The following ZNF732 variants were observed in gnomAD, a reference collection of about 807,000 sequenced individuals.
ZNF732 encodes the protein zinc finger protein 732, also known as zinc finger protein LOC654254.
A neutral mutation model predicts 11.5 loss-of-function variants in ZNF732; 12 were observed. The observed-to-expected ratio is 1.05, with a 90% CI of 0.67 to 1.70. The LOEUF (loss-of-function observed/expected upper bound fraction) is 1.70. ZNF732 is among the 40% of genes most tolerant of loss of function. The probability of loss-of-function intolerance (pLI) is 0.00; values close to 1 mark genes in which losing one functional copy is unlikely to be tolerated. For missense variants in ZNF732, 702 were observed against 676.9 expected, an observed-to-expected ratio of 1.04 and a Z score of -0.41; for synonymous variants, 231 against 236.5, an observed-to-expected ratio of 0.98 and a Z score of 0.21.
intron 3 of ZNF732, among the ~76,000 whole-genome samples, chr4:278,015 T>C (rs1719536998): frequency 6.6e-6 from 1 of 152,160 alleles, no homozygotes; most frequent in South Asian, 2.1e-4. Context: ...ATGTGGTATA[T>C]ATACACAACA....
intron 1 of ZNF732, 119 bp from the exon 2 acceptor site, chr4:296,274 A>G (rs1330686889): frequency 1.5e-6 from 2 of 1,348,842 alleles, no homozygotes; most frequent in East Asian, 2.4e-5. Context: ...AACTTTCAAC[A>G]CAGTAATGTT....
At chr4:285,924 G>A (rs1390028091) in intron 3 of ZNF732, among the ~76,000 whole-genome samples, 2 of 152,134 alleles carry the variant, frequency 1.3e-5, no homozygotes, top group Non-Finnish European at 2.9e-5. Context: ...CTATTTTTTG[G>A]TAGAGATGGG....
intron 3 of ZNF732, among the ~76,000 whole-genome samples, chr4:293,023 G>A (rs371238459): frequency 1.6e-4 from 20 of 127,312 alleles, no homozygotes; most frequent in South Asian, 2.6e-4. Flanking sequence ...AGCCGAGATC[G>A]CGCCACTGCA....
chr4:271,290 T>G lies in ZNF732; in HGVS notation c.1567A>C (p.Ile523Leu), dbSNP rs1719350014. The change falls in exon 4 of 4, where the codon ATT becomes CTT. Residue 523 changes from isoleucine (I) to leucine (L), a missense_variant. By Grantham distance (5) the Ile-to-Leu change is conservative (BLOSUM62 2). Transcript: ENST00000419098. Reference protein sequence around the residue: ...WSTYLSKHKKIHTGEKPYRCE... With the variant: ...WSTYLSKHKKLHTGEKPYRCE... ...CTATAAGGTTTCTCTCCAGTATGAATTTTCTTATGTTTACTCAGGTATGTG... is the reference window on the plus strand; with the variant it reads ...CTATAAGGTTTCTCTCCAGTATGAAGTTTCTTATGTTTACTCAGGTATGTG... The G allele has an allele frequency of 1.5e-5, 24 of 1,593,178 alleles. No individual in the cohort carries two copies. The highest frequency in any genetic ancestry group is 1.6e-5 in the Non-Finnish European group (19 of 1,168,802).
intron 3 of ZNF732, among the ~76,000 whole-genome samples, chr4:277,334 TAAC>T (rs1444564338): frequency 4.6e-5 from 7 of 151,010 alleles, no homozygotes; most frequent in Non-Finnish European, 5.9e-5. Context: ...AGAAAACAAT[TAAC>T]AAAGTGAAGA....
Position 271,141 on chromosome 4 carries a change from G to T in ZNF732, c.1716C>A (p.Tyr572Ter). 1 of 1,540,982 alleles carries T rather than the reference G, an allele frequency of 6.5e-7. No individual in the cohort carries two copies. Among genetic ancestry groups the T allele is most frequent in the Non-Finnish European group, 8.7e-7 (1 of 1,143,560 alleles). The change falls in exon 4 of 4, where the codon TAC becomes TAA. Residue 572 changes from tyrosine (Y) to a stop codon, truncating the protein, a stop_gained. Transcript: ENST00000419098. LOFTEE classifies it high-confidence loss of function. ...GCGKAFKWSS[Y>*]LNQHNKIYTG... Reference sequence around the variant, plus strand: ...TATAAATTTTATTATGTTGATTAAGGTATGAGGACCACTTAAAGGCTTTGC... The same window carrying T: ...TATAAATTTTATTATGTTGATTAAGTTATGAGGACCACTTAAAGGCTTTGC...
At chr4:276,528 C>G (rs1234890143) in intron 3 of ZNF732, among the ~76,000 whole-genome samples, 1 of 151,756 alleles carries the variant, frequency 6.6e-6, no homozygotes, top group African/African-American at 2.4e-5. Context: ...TTTCTTAAAT[C>G]ACAAAGACAT....
At chr4:290,925 A>G (rs868952051) in intron 3 of ZNF732, among the ~76,000 whole-genome samples, 6 of 152,302 alleles carry the variant, frequency 3.9e-5, no homozygotes, top group Middle Eastern at 6.8e-3. Context: ...TAGATTATAC[A>G]AACTGTAAAT....
At position 271,352 on chromosome 4, in the gene ZNF732, T is replaced by G. The variant is rs781868973; in HGVS notation, c.1505A>C (p.Tyr502Ser). ...GGCTTTGCCACACTCTTCACATTCG[T>G]AAGGTTTCTCTCCAGTATGAATTGT... The part of the protein sequence containing the change: ...HKTIHTGEKP[Y>S]ECEECGKAFG... The change falls in exon 4 of 4, where the codon TAC (tyrosine) becomes TCC (serine). Residue 502 changes from tyrosine (Y) to serine (S), a missense_variant. Coordinates refer to ENST00000419098, the MANE Select transcript of ZNF732 (RefSeq NM_001137608.3). The G allele has an allele frequency of 6.2e-7, 1 of 1,603,146 alleles. No homozygotes were observed. Among genetic ancestry groups the G allele is most frequent in the Non-Finnish European group, 8.5e-7 (1 of 1,174,342 alleles).
chr4:302,257 TATAAC>T (rs1720132763), intron 1 of ZNF732, among the ~76,000 whole-genome samples: 1 of 151,938 alleles, frequency 6.6e-6, no homozygotes, highest in South Asian at 2.1e-4. Flanking sequence ...TGAGGAAAAA[TATAAC>T]TAAAAGCAAA....
chr4:270,850 T>C lies in ZNF732; in HGVS notation c.*249A>G. 1.5e-6 allele frequency: 1 copy of C among 689,574 alleles called. No homozygotes were observed. Among genetic ancestry groups the C allele is most frequent in the Non-Finnish European group, 2.7e-6 (1 of 370,040 alleles). 42.7% of individuals were successfully genotyped at this position (689,574 alleles called of 1,614,324 possible). A position where few individuals can be genotyped will look rare whatever the true frequency, so the allele number is the denominator to read the frequency against. ...AGCTTTGCCACATTCTTCACATTTG[T>C]AGGGTTGCTCTCCAGCATCAATTTT... On this transcript the variant is annotated 3_prime_UTR_variant, in exon 4 of 4. Coordinates refer to ENST00000419098, the MANE Select transcript of ZNF732 (RefSeq NM_001137608.3).
At position 300,470 on chromosome 4, in the gene ZNF732, A is replaced by G. The variant is rs200452759; in HGVS notation, c.4-4315T>C. 8.6e-3 allele frequency among the ~76,000 whole-genome samples: 1,285 copies of G among 149,460 alleles called. 9 individuals carry two copies. The highest frequency in any genetic ancestry group is 0.015 in the African/African-American group (606 of 40,520). On this transcript the variant is annotated intron_variant, in intron 1 of 3. Coordinates refer to ENST00000419098, the MANE Select transcript of ZNF732 (RefSeq NM_001137608.3). Reference sequence around the variant, plus strand: ...ACTCTGTCTCAAAAAAAAAAAAAAAAAAAAGAAAAGAAAAGAAAAAATTAT... The same window carrying G: ...ACTCTGTCTCAAAAAAAAAAAAAAAGAAAAGAAAAGAAAAGAAAAAATTAT...
intron 1 of ZNF732, among the ~76,000 whole-genome samples, chr4:302,618 G>A (rs1292272192): frequency 2.0e-5 from 3 of 152,168 alleles, no homozygotes; most frequent in Admixed American, 2.0e-4. Context: ...TGTGGGATAG[G>A]ATGCATGTTC....
rs1553838027 is a variant in ZNF732, at chr4:272,578, A to T, written c.279T>A (p.Asp93Glu). The T allele has an allele frequency of 6.3e-7, 1 of 1,587,484 alleles. No individual in the cohort carries two copies. The highest frequency in any genetic ancestry group is 8.6e-7 in the Non-Finnish European group (1 of 1,168,894). ...QDFLPVQGIE[D>E]SFHKLILRRY... ...TTCTTAATATAAGTTTGTGGAACGAATCTTCTATCCCCTGCACTGGCAAAA... is the reference window on the plus strand; with the variant it reads ...TTCTTAATATAAGTTTGTGGAACGATTCTTCTATCCCCTGCACTGGCAAAA... Residue 93 changes from aspartate to glutamate, a missense_variant, in exon 4 of 4, where the codon GAT becomes GAA. Physicochemically the swap from Asp to Glu is conservative, Grantham distance 45. Transcript: ENST00000419098.
Position 296,927 on chromosome 4 carries a change from T to C in ZNF732, c.4-772A>G, listed in dbSNP as rs369169831. ...GCATTCTCTGGAGGCCGTTTAAAGT[T>C]TACAGAGGCTGGAGATGGTGTCAAT... On this transcript the variant is annotated intron_variant, in intron 1 of 3. Coordinates refer to ENST00000419098, the MANE Select transcript of ZNF732 (RefSeq NM_001137608.3). Among the ~76,000 whole-genome samples, 20 of 152,238 alleles carry C rather than the reference T, an allele frequency of 1.3e-4. 1 individual carries two copies. The South Asian group carries it at 4.1e-3, about 32-fold the overall frequency.
intron 3 of ZNF732, among the ~76,000 whole-genome samples, chr4:275,911 G>A (rs887942624): frequency 1.3e-5 from 2 of 151,596 alleles, no homozygotes; most frequent in East Asian, 3.8e-4. Context: ...AACAGAAAAA[G>A]TAGGTAGTTA....
chr4:271,555 A>T lies in ZNF732; in HGVS notation c.1302T>A (p.Asn434Lys), dbSNP rs552986944. The change falls in exon 4 of 4, where the codon AAT becomes AAA. Residue 434 changes from asparagine to lysine, a missense_variant. Coordinates refer to ENST00000419098, the MANE Select transcript of ZNF732 (RefSeq NM_001137608.3). ...CTCCAGTATGAATTATCTTATGTTT[A>T]TTCAGGTCTGTGGACCATCCAAAGG... ...GKAFGWSTDL[N>K]KHKIIHTGEK... The T allele has an allele frequency of 6.2e-7, 1 of 1,611,852 alleles. No homozygotes were observed. The highest frequency in any genetic ancestry group is 1.3e-5 in the African/African-American group (1 of 74,900).
chr4:305,415 C>A lies in ZNF732; in HGVS notation c.-105G>T, dbSNP rs573755305. 25 of 1,526,420 alleles carry A rather than the reference C, an allele frequency of 1.6e-5. No individual in the cohort carries two copies. The highest frequency in any genetic ancestry group is 2.2e-5 in the Non-Finnish European group (25 of 1,117,666). The allele number at this position is 1,526,420 out of a possible 1,614,324, so 94.6% of individuals were successfully genotyped here. A position where few individuals can be genotyped will look rare whatever the true frequency, so the allele number is the denominator to read the frequency against. On this transcript the variant is annotated 5_prime_UTR_variant, in exon 1 of 4. Coordinates refer to ENST00000419098, the MANE Select transcript of ZNF732 (RefSeq NM_001137608.3). The stretch of plus-strand genomic sequence containing the variant: ...GCTGTGACCGAATCACCGACGCCTC[C>A]CTGAGGGGTGAAAGCACGGCCGTGG...
intron 3 of ZNF732, among the ~76,000 whole-genome samples, chr4:294,199 GC>G (rs1295108025): frequency 6.6e-6 from 1 of 152,092 alleles, no homozygotes; most frequent in Non-Finnish European, 1.5e-5. Context: ...ATGGGATTTT[GC>G]CGTGTTGGCC....
Sources: allele counts gnomAD v4.1 joint callset (sites outside exome capture counted in the v4.1 genomes callset), GRCh38; gene constraint gnomAD v4.1.1; transcripts MANE v1.5; gene names NCBI Gene and HGNC (gene_info 2026-07-23, HGNC 2026-07-21).